Variants in NREP observed in about 807,000 individuals in gnomAD.
The protein encoded by NREP is neuronal regeneration related protein, also known as neuronal regeneration-related protein.
A neutral mutation model predicts 8.6 loss-of-function variants in NREP; 5 were observed. The observed-to-expected ratio is 0.58, with a 90% CI of 0.30 to 1.22. NREP has a LOEUF of 1.22. Among genes scored for constraint, NREP ranks in the 50% most tolerant of loss-of-function variants. The pLI, the probability that NREP is intolerant of heterozygous loss-of-function variation, is 0.07. For missense variants in NREP, 86 were observed against 82.5 expected, an observed-to-expected ratio of 1.04 and a Z score of -0.17; for synonymous variants, 27 against 28.0, an observed-to-expected ratio of 0.96 and a Z score of 0.11.
intron 2 of NREP, among the ~76,000 whole-genome samples, chr5:111,953,071 C>G (rs1183416334): frequency 6.6e-6 from 1 of 152,102 alleles, no homozygotes; most frequent in African/African-American, 2.4e-5. Context: ...TGAAATTACG[C>G]TTTTTATGAT....
intron 2 of NREP, among the ~76,000 whole-genome samples, chr5:111,863,401 A>C (rs1183903838): frequency 3.3e-5 from 5 of 152,180 alleles, no homozygotes; most frequent in African/African-American, 1.2e-4. Context: ...CGAGGTGAGT[A>C]GTTGGATACA....
At chr5:111,827,993 T>C (rs1752668471) in intron 2 of NREP, among the ~76,000 whole-genome samples, 1 of 152,180 alleles carries the variant, frequency 6.6e-6, no homozygotes. Flanking sequence ...ACCTTTTGTA[T>C]TTTTAGGTAA....
At chr5:111,910,570 CA>C (rs1011193278) in intron 2 of NREP, among the ~76,000 whole-genome samples, 1 of 151,844 alleles carries the variant, frequency 6.6e-6, no homozygotes, top group Non-Finnish European at 1.5e-5. Flanking sequence ...ATATAAGATT[CA>C]AAAAAGTCTG....
chr5:111,809,425 A>G (rs780290048), intron 2 of NREP, among the ~76,000 whole-genome samples: 5 of 152,204 alleles, frequency 3.3e-5, no homozygotes, highest in Non-Finnish European at 4.4e-5. Flanking sequence ...ATGTGGCAGC[A>G]TTGGAAGGTA....
intron 2 of NREP, among the ~76,000 whole-genome samples, chr5:111,802,741 G>T (rs1049652580): frequency 2.0e-5 from 3 of 152,108 alleles, no homozygotes; most frequent in African/African-American, 7.2e-5. Context: ...AATTATAATT[G>T]ATTTTACAGT....
intron 2 of NREP, among the ~76,000 whole-genome samples, chr5:111,961,712 A>C (rs1037845816): frequency 2.0e-5 from 3 of 152,196 alleles, no homozygotes; most frequent in African/African-American, 7.2e-5. Context: ...CACTTCAGGA[A>C]GACTTGAATA....
intron 2 of NREP, among the ~76,000 whole-genome samples, chr5:111,916,599 TGA>T (rs568277460): frequency 6.6e-6 from 1 of 152,084 alleles, no homozygotes; most frequent in South Asian, 2.1e-4. Flanking sequence ...GACTCTGGGG[TGA>T]GATTCCTTGG....
intron 2 of NREP, among the ~76,000 whole-genome samples, chr5:111,966,205 A>G (rs1756640260): frequency 6.6e-6 from 1 of 152,246 alleles, no homozygotes; most frequent in Non-Finnish European, 1.5e-5. Context: ...TCTTAATTTA[A>G]TTTCAGCAAG....
intron 2 of NREP, among the ~76,000 whole-genome samples, chr5:111,910,350 T>C (rs1329854454): frequency 3.3e-5 from 5 of 151,992 alleles, no homozygotes; most frequent in Admixed American, 3.3e-4. Flanking sequence ...AAATCATCTT[T>C]TTTTTCCATA....
intron 2 of NREP, among the ~76,000 whole-genome samples, chr5:111,894,802 T>C (rs1754470106): frequency 6.6e-6 from 1 of 152,218 alleles, no homozygotes. Flanking sequence ...TCGGGTAATA[T>C]CAAGACCAGA....
intron 2 of NREP, among the ~76,000 whole-genome samples, chr5:111,951,545 T>C (rs1010293385): frequency 1.5e-4 from 23 of 151,952 alleles, no homozygotes; most frequent in African/African-American, 5.6e-4. Flanking sequence ...AAACTGAAAA[T>C]ATTTATTATT....
chr5:111,756,835 G>A (rs1192403687), intron 1 of NREP, among the ~76,000 whole-genome samples: 1 of 152,244 alleles, frequency 6.6e-6, no homozygotes, highest in East Asian at 1.9e-4. Context: ...AAGGCTTTAG[G>A]AGCAAGAAGA....
intron 2 of NREP, among the ~76,000 whole-genome samples, chr5:111,943,790 T>C (rs1363266546): frequency 6.6e-6 from 1 of 152,116 alleles, no homozygotes; most frequent in Admixed American, 6.5e-5. Context: ...TTTTCTGTTT[T>C]GTGAATTGTT....
chr5:111,919,869 G>GAGAGAGAA (rs1400988710), intron 2 of NREP, among the ~76,000 whole-genome samples: 158 of 125,108 alleles, frequency 1.3e-3, no homozygotes, highest in Middle Eastern at 3.7e-3. Flanking sequence ...CTTGAAGAGA[G>GAGAGAGAA]AGAAAGAAAG....
At chr5:111,756,320 C>CCCGGG in intron 1 of NREP, 1 of 30,650 alleles carries the variant, frequency 3.3e-5, no homozygotes, top group Non-Finnish European at 5.9e-5. Flanking sequence ...AAACCCTACA[C>CCCGGG]GGCGGGGGGG....
At chr5:111,976,395 G>A (rs572472936) in intron 1 of NREP, among the ~76,000 whole-genome samples, 1 of 152,086 alleles carries the variant, frequency 6.6e-6, no homozygotes, top group Admixed American at 6.5e-5. Flanking sequence ...CTTCATCCCA[G>A]GTCTGTTACA....
At chr5:111,937,833 G>C (rs1055988195) in intron 2 of NREP, among the ~76,000 whole-genome samples, 12 of 152,106 alleles carry the variant, frequency 7.9e-5, no homozygotes, top group Admixed American at 4.6e-4. Context: ...TAATCTCACA[G>C]GGTACTGGAC....
At chr5:111,837,718 G>T (rs1752928803) in intron 2 of NREP, among the ~76,000 whole-genome samples, 1 of 151,986 alleles carries the variant, frequency 6.6e-6, no homozygotes, top group Non-Finnish European at 1.5e-5. Context: ...AATGATTCAG[G>T]AAAGAATTAT....
At chr5:111,847,336 T>C (rs1322069640) in intron 2 of NREP, among the ~76,000 whole-genome samples, 11 of 152,140 alleles carry the variant, frequency 7.2e-5, no homozygotes, top group Non-Finnish European at 8.8e-5. Context: ...GAGTCTCTTT[T>C]TCTTTTTGTA....
Sources: allele counts gnomAD v4.1 joint callset (sites outside exome capture counted in the v4.1 genomes callset), GRCh38; gene constraint gnomAD v4.1.1; transcripts MANE v1.5; gene names NCBI Gene and HGNC (gene_info 2026-07-23, HGNC 2026-07-21).